PHACTR1: variants seen among roughly 807,000 people sequenced by gnomAD.
PHACTR1 encodes phosphatase and actin regulator 1.
Under a neutral mutation model 69.2 loss-of-function variants are expected in PHACTR1, and 16 were observed. The ratio of observed to expected loss-of-function variants is 0.23; its 90% CI spans 0.16 to 0.35. PHACTR1 has a LOEUF of 0.35. PHACTR1 is among the 10% of genes least tolerant of loss of function. The pLI, the probability that PHACTR1 is intolerant of heterozygous loss-of-function variation, is 1.00. For synonymous variants in PHACTR1, 312 were observed against 284.5 expected (o/e 1.10, Z -0.97); for missense variants, 510 against 734.7 (o/e 0.69, Z 3.54).
At chr6:13,269,978 T>A (rs918871255) in intron 10 of PHACTR1, among the ~76,000 whole-genome samples, 1 of 152,160 alleles carries the variant, frequency 6.6e-6, no homozygotes, top group Non-Finnish European at 1.5e-5. Context: ...GTAATTCAAT[T>A]TGATTCTGAC....
At chr6:13,229,866 G>A (rs1402514035) in intron 9 of PHACTR1, among the ~76,000 whole-genome samples, 171 bp from the exon 10 acceptor site, 5 of 152,212 alleles carry the variant, frequency 3.3e-5, no homozygotes, top group Non-Finnish European at 5.9e-5. Context: ...CAGTGCTAGG[G>A]GTAGAGTGTG....
At chr6:12,806,870 A>G (rs185192504) in intron 4 of PHACTR1, among the ~76,000 whole-genome samples, 55 of 152,298 alleles carry the variant, frequency 3.6e-4, no homozygotes, top group African/African-American at 1.3e-3. Flanking sequence ...CAGGACATAT[A>G]TTTTCAGAAT....
chr6:13,059,528 G>C (rs992684126), intron 5 of PHACTR1, among the ~76,000 whole-genome samples: 7 of 151,794 alleles, frequency 4.6e-5, no homozygotes, highest in Non-Finnish European at 1.0e-4. Context: ...AACTTTTGAA[G>C]GTGATGGATG....
intron 4 of PHACTR1, among the ~76,000 whole-genome samples, chr6:12,980,590 T>C (rs1795402214): frequency 1.3e-5 from 2 of 151,928 alleles, no homozygotes; most frequent in Admixed American, 1.3e-4. Context: ...GATTCACTAT[T>C]TTTGAGTCAC....
chr6:13,218,852 G>GAAAGAGA (rs1768111162), intron 8 of PHACTR1, among the ~76,000 whole-genome samples: 1 of 128,246 alleles, frequency 7.8e-6, no homozygotes, highest in African/African-American at 3.1e-5. Flanking sequence ...GGAGGAGGAG[G>GAAAGAGA]AAAGAGAAGA....
chr6:13,047,849 C>T (rs981317411), intron 4 of PHACTR1, among the ~76,000 whole-genome samples: 2 of 152,070 alleles, frequency 1.3e-5, no homozygotes, highest in African/African-American at 4.8e-5. Flanking sequence ...GCCAAACCAC[C>T]ATGAGAAATA....
intron 4 of PHACTR1, among the ~76,000 whole-genome samples, chr6:12,817,493 T>A (rs2127705567): frequency 6.6e-6 from 1 of 152,348 alleles, no homozygotes; most frequent in East Asian, 1.9e-4. Context: ...ATCTTTCTGA[T>A]CCTCAGTTTT....
chr6:13,109,238 T>G (rs1816635158), intron 5 of PHACTR1, among the ~76,000 whole-genome samples: 1 of 152,046 alleles, frequency 6.6e-6, no homozygotes, highest in African/African-American at 2.4e-5. Context: ...TCCATCCTGC[T>G]TTTTATTTTT....
Position 13,253,374 on chromosome 6 carries a change from T to C in PHACTR1, c.1392-19486T>C, listed in dbSNP as rs574607752. Among the ~76,000 whole-genome samples, 12 of 152,286 alleles carry C rather than the reference T, an allele frequency of 7.9e-5. No individual in the cohort carries two copies. In the South Asian group the frequency reaches 2.5e-3, roughly 32 times the overall value. On this transcript the variant is annotated intron_variant, in intron 10 of 14. Coordinates refer to ENST00000332995, the MANE Select transcript of PHACTR1 (RefSeq NM_030948.6). ...ATTGAGGCCCAACTAAGCACAGGCA[T>C]TGGAGAAATCTAGAACCATGGTACT...
intron 10 of PHACTR1, among the ~76,000 whole-genome samples, chr6:13,231,029 A>AAG (rs201424900): frequency 1.5e-5 from 2 of 134,166 alleles, no homozygotes; most frequent in South Asian, 2.4e-4. Context: ...GAAAGAAAGA[A>AAG]AGAGAGAGAG....
intron 5 of PHACTR1, among the ~76,000 whole-genome samples, chr6:13,066,333 G>A (rs12210515): frequency 3.3e-5 from 5 of 152,180 alleles, no homozygotes; most frequent in Non-Finnish European, 7.3e-5. Context: ...AAGACAGCCA[G>A]CCAGATATTA....
At chr6:12,944,495 G>A (rs1437078953) in intron 4 of PHACTR1, among the ~76,000 whole-genome samples, 1 of 152,136 alleles carries the variant, frequency 6.6e-6, no homozygotes, top group Non-Finnish European at 1.5e-5. Context: ...ACATCTATAA[G>A]TGCCCTTTAA....
At chr6:13,080,357 G>T (rs1811180846) in intron 5 of PHACTR1, among the ~76,000 whole-genome samples, 1 of 152,146 alleles carries the variant, frequency 6.6e-6, no homozygotes, top group Non-Finnish European at 1.5e-5. Flanking sequence ...AACTTATTCA[G>T]CTGGCAAAAT....
In PHACTR1 at chr6:12,749,697, G is replaced by A; in HGVS notation, c.157G>A (p.Asp53Asn). The change falls in exon 4 of 15, where the codon GAT becomes AAT. Residue 53 changes from aspartate to asparagine, a missense_variant. This residue lies in a region of PHACTR1 where 419 missense variants were observed against 530.9 expected (regional missense o/e 0.79). Coordinates refer to ENST00000332995, the MANE Select transcript of PHACTR1 (RefSeq NM_030948.6). ...CACATTAATGGCGGCATCCTCGGAG[G>A]ATGATATAGACCGGCGGCCCATCCG... ...PPTLMAASSE[D>N]DIDRRPIRRV... 1 of 1,612,304 alleles carries A rather than the reference G, an allele frequency of 6.2e-7. No homozygotes were observed. The highest frequency in any genetic ancestry group is 8.5e-7 in the Non-Finnish European group (1 of 1,179,648).
In PHACTR1 at chr6:13,287,099, G is replaced by A. The variant is rs749105780; in HGVS notation, c.*21G>A. Reference sequence around the variant, plus strand: ...CTTAACAGTCGAATTCCTCTTGAGTGCTATGCTGTCTTCAAAACATAAATT... The same window carrying A: ...CTTAACAGTCGAATTCCTCTTGAGTACTATGCTGTCTTCAAAACATAAATT... On this transcript the variant is annotated 3_prime_UTR_variant, in exon 15 of 15. Coordinates refer to ENST00000332995, the MANE Select transcript of PHACTR1 (RefSeq NM_030948.6). 1.4e-5 allele frequency: 22 copies of A among 1,597,084 alleles called. No individual in the cohort carries two copies. Among genetic ancestry groups the A allele is most frequent in the African/African-American group, 2.7e-5 (2 of 74,736 alleles).
chr6:13,249,585 G>A (rs1170457428), intron 10 of PHACTR1, among the ~76,000 whole-genome samples: 1 of 152,100 alleles, frequency 6.6e-6, no homozygotes, highest in East Asian at 1.9e-4. Context: ...GATCACCTAA[G>A]GTCAGGAGTT....
intron 10 of PHACTR1, among the ~76,000 whole-genome samples, chr6:13,253,579 A>C (rs1255831326): frequency 6.6e-6 from 1 of 152,244 alleles, no homozygotes; most frequent in Non-Finnish European, 1.5e-5. Flanking sequence ...AACACTGCTT[A>C]GAGAAGTAAG....
chr6:13,185,021 T>C (rs762243054), intron 7 of PHACTR1: 25 of 1,346,302 alleles, frequency 1.9e-5, no homozygotes, highest in Middle Eastern at 2.1e-4. Flanking sequence ...TGCAGACGTC[T>C]TCTGGGGCAA....
chr6:12,868,189 G>C (rs182219398), intron 4 of PHACTR1, among the ~76,000 whole-genome samples: 1 of 151,552 alleles, frequency 6.6e-6, no homozygotes, highest in Non-Finnish European at 1.5e-5. Context: ...CCAGGGAGTC[G>C]GAGGTTGCAG....
Sources: gnomAD v4.1 joint callset for allele counts (sites outside exome capture counted in the v4.1 genomes callset) on GRCh38, gnomAD v4.1.1 for gene constraint, gnomAD v4.1.1 regional missense constraint, MANE v1.5 for transcripts, NCBI Gene and HGNC (gene_info 2026-07-23, HGNC 2026-07-21) for gene names.